The following BRWD3 variants were observed in gnomAD, a reference collection of about 807,000 sequenced individuals.
BRWD3 encodes bromodomain and WD repeat domain containing 3.
In BRWD3, 10 loss-of-function variants were observed where a neutral mutation model predicts 149.7. The observed-to-expected ratio is 0.07, with a 90% CI of 0.04 to 0.11. The LOEUF (loss-of-function observed/expected upper bound fraction) is 0.11, where lower values mean the gene tolerates loss of function less well. BRWD3 is among the 10% of genes least tolerant of loss of function. The probability of loss-of-function intolerance (pLI) is 1.00; values close to 1 mark genes in which losing one functional copy is unlikely to be tolerated. For synonymous variants in BRWD3, 504 were observed against 456.7 expected (o/e 1.10, Z -1.32); for missense variants, 940 against 1,373.2 (o/e 0.68, Z 4.99).
intron 4 of BRWD3, among the ~76,000 whole-genome samples, chrX:80,800,379 A>G (rs1375823296): frequency 1.9e-5 from 2 of 107,181 alleles, no homozygotes; most frequent in Non-Finnish European, 3.8e-5. Flanking sequence ...CCATCTCTAT[A>G]AAAAGTAAAA....
intron 25 of BRWD3, among the ~76,000 whole-genome samples, chrX:80,698,108 C>A (rs1438700640): frequency 8.9e-6 from 1 of 111,965 alleles, no homozygotes; most frequent in East Asian, 2.8e-4. Context: ...TATACATTTT[C>A]TTTTAAGAAG....
At chrX:80,741,218 G>A (rs1479357818) in intron 8 of BRWD3, among the ~76,000 whole-genome samples, 4 of 111,494 alleles carry the variant, frequency 3.6e-5, no homozygotes, top group Non-Finnish European at 7.5e-5. Context: ...CTTCATCCAT[G>A]TCCCTGCAAA....
chrX:80,809,121 C>T (rs2074382960), intron 2 of BRWD3, 79 bp from the exon 3 acceptor site: 6 of 1,154,161 alleles, frequency 5.2e-6, no homozygotes, highest in Admixed American at 2.6e-5. Context: ...AAAGCCCAGC[C>T]GCTGACCGTT....
At chrX:80,739,512 T>C (rs1022881730) in intron 8 of BRWD3, among the ~76,000 whole-genome samples, 3 of 110,927 alleles carry the variant, frequency 2.7e-5, no homozygotes, top group Non-Finnish European at 5.7e-5. Flanking sequence ...AGAGAAAGAG[T>C]ATGATAGAGA....
intron 4 of BRWD3, among the ~76,000 whole-genome samples, chrX:80,808,247 G>T (rs972706340): frequency 1.8e-5 from 2 of 109,165 alleles, no homozygotes; most frequent in Non-Finnish European, 3.8e-5. Context: ...TCCCTTTTCC[G>T]CCTACAATGG....
Position 80,696,736 on chromosome X carries a change from C to T in BRWD3, c.3068+3G>A. On this transcript the variant is annotated splice_donor_region_variant and intron_variant, in intron 26 of 40. Transcript: ENST00000373275. Reference sequence around the variant, plus strand: ...AAACAGAGACTCAGAGATAACTACTCACTTAATGGAAAAAGATTCTCCAGT... The same window carrying T: ...AAACAGAGACTCAGAGATAACTACTTACTTAATGGAAAAAGATTCTCCAGT... 8.3e-7 allele frequency: 1 copy of T among 1,209,904 alleles called. No individual in the cohort carries two copies. The highest frequency in any genetic ancestry group is 1.1e-6 in the Non-Finnish European group (1 of 894,468).
At chrX:80,716,755 A>T (rs974768205) in intron 19 of BRWD3, 3 of 119,549 alleles carry the variant, frequency 2.5e-5, no homozygotes, top group Middle Eastern at 4.2e-3. Context: ...CCATTTGGTT[A>T]TTGTGAATAA....
intron 14 of BRWD3, among the ~76,000 whole-genome samples, chrX:80,726,199 CAT>C (rs2073238525): frequency 9.6e-6 from 1 of 103,817 alleles, no homozygotes; most frequent in African/African-American, 3.5e-5. Context: ...AACACGTTTA[CAT>C]GTTATATGTC....
At chrX:80,768,789 T>G (rs200693743) in intron 6 of BRWD3, among the ~76,000 whole-genome samples, 1 of 110,248 alleles carries the variant, frequency 9.1e-6, no homozygotes, top group African/African-American at 3.3e-5. Context: ...GACTGGCAAA[T>G]TGTATAAAGA....
chrX:80,735,803 C>CAAAA (rs571194692), intron 9 of BRWD3, among the ~76,000 whole-genome samples, 185 bp downstream of exon 9: 1 of 45,507 alleles, frequency 2.2e-5, no homozygotes, highest in Non-Finnish European at 4.3e-5. Flanking sequence ...GACTCTGTCT[C>CAAAA]AAAAAAAAAA....
At chrX:80,692,483 G>A (rs927959072) in intron 28 of BRWD3, among the ~76,000 whole-genome samples, 4 of 111,997 alleles carry the variant, frequency 3.6e-5, no homozygotes, top group African/African-American at 1.3e-4. Context: ...AATAATTAAA[G>A]TAGATGTTGA....
intron 4 of BRWD3, among the ~76,000 whole-genome samples, chrX:80,800,457 T>C (rs2074281350): frequency 9.5e-6 from 1 of 105,063 alleles, no homozygotes; most frequent in Non-Finnish European, 1.9e-5. Flanking sequence ...GGAGGATTGA[T>C]TGAGCCCGGG....
intron 13 of BRWD3, 101 bp downstream of exon 13, chrX:80,729,815 T>C: frequency 1.6e-6 from 1 of 614,841 alleles, no homozygotes; most frequent in Non-Finnish European, 2.6e-6. Flanking sequence ...ACAATTAACT[T>C]CAAACTATTT....
chrX:80,803,900 G>A (rs2074325884), intron 4 of BRWD3, among the ~76,000 whole-genome samples: 1 of 112,166 alleles, frequency 8.9e-6, no homozygotes. Flanking sequence ...AGGTATGTCT[G>A]GAATTTAAAT....
chrX:80,746,899 T>G, intron 6 of BRWD3: 2 of 689,007 alleles, frequency 2.9e-6, no homozygotes, highest in Non-Finnish European at 3.4e-6. Context: ...TGACAAAAAA[T>G]GAATAATGAA....
At chrX:80,695,254 G>C (rs1023150123) in intron 27 of BRWD3, among the ~76,000 whole-genome samples, 1 of 111,707 alleles carries the variant, frequency 9.0e-6, no homozygotes, top group Non-Finnish European at 1.9e-5. Context: ...TCAATTAAAT[G>C]ATTTTTTCTT....
chrX:80,682,226 T>G, intron 38 of BRWD3, 132 bp from the exon 39 acceptor site: 1 of 620,526 alleles, frequency 1.6e-6, no homozygotes, highest in Non-Finnish European at 2.5e-6. Flanking sequence ...CTAAAATTCA[T>G]GAAATAGATA....
chrX:80,725,979 A>G (rs1404775856), intron 14 of BRWD3, among the ~76,000 whole-genome samples: 1 of 102,686 alleles, frequency 9.7e-6, no homozygotes, highest in Non-Finnish European at 2.0e-5. Context: ...TTTACATGTT[A>G]TATGTCTATA....
intron 8 of BRWD3, among the ~76,000 whole-genome samples, chrX:80,741,292 C>T (rs949729151): frequency 8.9e-6 from 1 of 112,162 alleles, no homozygotes; most frequent in East Asian, 2.8e-4. Context: ...GCCACATTTT[C>T]TTAATCCAGT....
Sources: allele counts gnomAD v4.1 joint callset (sites outside exome capture counted in the v4.1 genomes callset), GRCh38; gene constraint gnomAD v4.1.1; transcripts MANE v1.5; gene names NCBI Gene and HGNC (gene_info 2026-07-23, HGNC 2026-07-21).